ENPEP: variants seen among roughly 807,000 people sequenced by gnomAD.
ENPEP encodes the protein glutamyl aminopeptidase.
In ENPEP, 103 loss-of-function variants were observed where a neutral mutation model predicts 114.5. The observed-to-expected ratio is 0.90, with a 90% confidence interval of 0.77 to 1.06. ENPEP has a LOEUF of 1.06. ENPEP is among the 50% of genes least tolerant of loss of function. The probability of loss-of-function intolerance (pLI) is 0.00; values close to 1 mark genes in which losing one functional copy is unlikely to be tolerated. For synonymous variants in ENPEP, 420 were observed against 422.0 expected, an observed-to-expected ratio of 1.00 and a Z score of 0.06; for missense variants, 1,196 against 1,161.3, an observed-to-expected ratio of 1.03 and a Z score of -0.43.
At chr4:110,544,390 T>C (rs1320701497) in intron 13 of ENPEP, among the ~76,000 whole-genome samples, 1 of 151,738 alleles carries the variant, frequency 6.6e-6, no homozygotes, top group African/African-American at 2.4e-5. Context: ...GAAGAGCTCT[T>C]CTGAATTTGT....
chr4:110,488,737 C>T lies in ENPEP; in HGVS notation c.786+55C>T, dbSNP rs554909528. On this transcript the variant is annotated intron_variant, in intron 2 of 19. Transcript: ENST00000265162. The stretch of plus-strand genomic sequence containing the variant: ...CAGAGAGTCTGTTGACAACATTAGG[C>T]CAGTTACCTGATTTTCTGTGAAAGA... 27 of 1,542,838 alleles carry T rather than the reference C, an allele frequency of 1.8e-5. No individual in the cohort carries two copies. The East Asian group carries it at 6.1e-4, about 35-fold the overall frequency.
Position 110,476,380 on chromosome 4 carries a change from C to A in ENPEP, c.-35C>A, listed in dbSNP as rs1553915958. The A allele has an allele frequency of 1.3e-6, 2 of 1,500,684 alleles. No homozygotes were observed. Among genetic ancestry groups the A allele is most frequent in the Admixed American group, 4.6e-5 (2 of 43,790 alleles). The allele number at this position is 1,500,684 out of a possible 1,614,324, so 93.0% of individuals were successfully genotyped here. ...GACGTTAGTTAGTTAAATTTAACAT[C>A]TTTTTATGTGTAACACTTGACTTTG... is the stretch of plus-strand genomic sequence containing the variant. On this transcript the variant is annotated 5_prime_UTR_variant, in exon 1 of 20. Transcript: ENST00000265162.
chr4:110,493,034 G>A (rs1317715007), intron 3 of ENPEP, among the ~76,000 whole-genome samples: 1 of 152,176 alleles, frequency 6.6e-6, no homozygotes, highest in Non-Finnish European at 1.5e-5. Context: ...TAAGAACAAT[G>A]CATTTAACCA....
chr4:110,495,831 T>G (rs984648876), intron 3 of ENPEP, among the ~76,000 whole-genome samples: 1 of 152,174 alleles, frequency 6.6e-6, no homozygotes, highest in Admixed American at 6.5e-5. Context: ...GCATTTGGCA[T>G]CTGTATTTTA....
chr4:110,519,636 C>CCACCAT (rs1316385729), intron 8 of ENPEP: 2 of 184,676 alleles, frequency 1.1e-5, no homozygotes, highest in African/African-American at 5.1e-5. Flanking sequence ...ACCACCACCA[C>CCACCAT]CACCATCATC....
At chr4:110,495,371 C>T (rs1724887075) in intron 3 of ENPEP, among the ~76,000 whole-genome samples, 1 of 152,148 alleles carries the variant, frequency 6.6e-6, no homozygotes, top group Non-Finnish European at 1.5e-5. Context: ...CAGTAACTTT[C>T]CCAGAATGCT....
intron 17 of ENPEP, among the ~76,000 whole-genome samples, chr4:110,550,962 C>T (rs769716580): frequency 4.0e-5 from 6 of 151,804 alleles, no homozygotes; most frequent in East Asian, 1.9e-4. Context: ...ATCAAGAACT[C>T]GATCATCTTG....
At position 110,497,397 on chromosome 4, in the gene ENPEP, G is replaced by A. The variant is rs116203018; in HGVS notation, c.918+6233G>A. 6.2e-3 allele frequency among the ~76,000 whole-genome samples: 946 copies of A among 151,722 alleles called. 6 individuals carry two copies. Among genetic ancestry groups the A allele is most frequent in the African/African-American group, 0.022 (907 of 41,388 alleles). ...ACTGTTTAATTTAGTAAGCCACGGAGGATTGCTAATGATTCTTATTTTTTA... is the reference window on the plus strand; with the variant it reads ...ACTGTTTAATTTAGTAAGCCACGGAAGATTGCTAATGATTCTTATTTTTTA... On this transcript the variant is annotated intron_variant, in intron 3 of 19. Coordinates refer to ENST00000265162, the MANE Select transcript of ENPEP (RefSeq NM_001977.4).
intron 3 of ENPEP, among the ~76,000 whole-genome samples, chr4:110,491,718 CTTTTTTTTTT>C (rs970695793): frequency 1.5e-5 from 1 of 66,058 alleles, no homozygotes; most frequent in African/African-American, 4.4e-5. Context: ...TTCTTTCTTT[CTTTTTTTTTT>C]TTTTTTTTTT....
chr4:110,523,379 C>T (rs114618691), intron 10 of ENPEP, among the ~76,000 whole-genome samples: 1,946 of 152,074 alleles, frequency 0.013, 42 homozygotes, highest in African/African-American at 0.044. Context: ...CTGCCCCAGT[C>T]GTACAAAACT....
At chr4:110,490,827 G>T (rs1028108843) in intron 2 of ENPEP, among the ~76,000 whole-genome samples, 2 of 152,188 alleles carry the variant, frequency 1.3e-5, no homozygotes, top group African/African-American at 4.8e-5. Flanking sequence ...GATACAGTGT[G>T]TAATTCAGTC....
intron 3 of ENPEP, among the ~76,000 whole-genome samples, chr4:110,492,309 C>T (rs1724755123): frequency 6.6e-6 from 1 of 152,148 alleles, no homozygotes; most frequent in African/African-American, 2.4e-5. Flanking sequence ...ACTTAAATTC[C>T]AAACTCCTTC....
chr4:110,490,610 A>G (rs2110338124), intron 2 of ENPEP, among the ~76,000 whole-genome samples: 1 of 152,322 alleles, frequency 6.6e-6, no homozygotes, highest in Non-Finnish European at 1.5e-5. Context: ...CAAAGACGGA[A>G]AAGAGAAGCC....
In ENPEP at chr4:110,520,266, G is replaced by A. The variant is rs1725935323; in HGVS notation, c.1627G>A (p.Gly543Ser). The A allele has an allele frequency of 6.2e-7, 1 of 1,613,864 alleles. No individual in the cohort carries two copies. Among genetic ancestry groups the A allele is most frequent in the Admixed American group, 1.7e-5 (1 of 59,988 alleles). The change falls in exon 10 of 20, where the codon GGT becomes AGT. Residue 543 changes from glycine (G) to serine (S), a missense_variant. Transcript: ENST00000265162. Reference sequence around the variant, plus strand: ...AATGGACACCTGGACCAGACAGATGGGTTATCCTGTGCTTAACGTGAACGG... The same window carrying A: ...AATGGACACCTGGACCAGACAGATGAGTTATCCTGTGCTTAACGTGAACGG... ...EVMDTWTRQM[G>S]YPVLNVNGVK...
At chr4:110,507,747 G>A (rs1437366766) in intron 4 of ENPEP, among the ~76,000 whole-genome samples, 15 of 152,202 alleles carry the variant, frequency 9.9e-5, no homozygotes, top group Non-Finnish European at 1.9e-4. Context: ...AGGCCCAGGC[G>A]GGCGGATCGC....
intron 7 of ENPEP, among the ~76,000 whole-genome samples, chr4:110,514,642 T>C (rs1256451664): frequency 6.6e-6 from 1 of 152,118 alleles, no homozygotes; most frequent in South Asian, 2.1e-4. Flanking sequence ...GCTTTCTAAA[T>C]AGGTATAAAA....
intron 11 of ENPEP, among the ~76,000 whole-genome samples, chr4:110,532,924 C>T (rs897516971): frequency 1.3e-5 from 2 of 151,896 alleles, no homozygotes; most frequent in East Asian, 1.9e-4. Flanking sequence ...CATAAGTACA[C>T]TTGCCAGAGG....
chr4:110,511,757 A>G (rs1725585040), intron 6 of ENPEP, among the ~76,000 whole-genome samples: 1 of 142,940 alleles, frequency 7.0e-6, no homozygotes, highest in Non-Finnish European at 1.5e-5. Flanking sequence ...CTATTCATTC[A>G]TTCCTTTTTT....
At chr4:110,508,217 C>A (rs993411589) in intron 4 of ENPEP, among the ~76,000 whole-genome samples, 1 of 146,716 alleles carries the variant, frequency 6.8e-6, no homozygotes, top group Non-Finnish European at 1.5e-5. Context: ...ATTTATTAGA[C>A]TCCAAAGAGT....
Sources: gnomAD v4.1 joint callset for allele counts (sites outside exome capture counted in the v4.1 genomes callset) on GRCh38, gnomAD v4.1.1 for gene constraint, MANE v1.5 for transcripts, NCBI Gene and HGNC (gene_info 2026-07-23, HGNC 2026-07-21) for gene names.